Variants in PLCB2 observed in about 807,000 individuals in gnomAD.
PLCB2 encodes phospholipase C beta 2.
PLCB2 carries 115 observed loss-of-function variants against 141.7 expected under a neutral mutation model. The ratio of observed to expected loss-of-function variants is 0.81; its 90% CI spans 0.70 to 0.95. PLCB2 has a LOEUF of 0.95. PLCB2 is among the 40% of genes least tolerant of loss of function. The pLI is 0.00. For missense variants in PLCB2, 1,403 were observed against 1,541.1 expected, an observed-to-expected ratio of 0.91 and a Z score of 1.50; for synonymous variants, 603 against 595.6, an observed-to-expected ratio of 1.01 and a Z score of -0.18.
chr15:40,291,168 C>A lies in PLCB2; in HGVS notation c.2886G>T (p.Glu962Asp). 6.4e-7 allele frequency: 1 copy of A among 1,571,130 alleles called. No individual in the cohort carries two copies. Among genetic ancestry groups the A allele is most frequent in the East Asian group, 2.3e-5 (1 of 43,356 alleles). Residue 962 changes from glutamate to aspartate, a missense_variant, in exon 27 of 32, where the codon GAG becomes GAT. Physicochemically the swap from Glu to Asp is conservative, Grantham distance 45. Transcript: ENST00000260402. The part of the protein sequence containing the change: ...GSRKKRSLPR[E>D]ESAGAAPGEG... Reference sequence around the variant, plus strand: ...CGCCCGGCGCGGCTCCGGCGCTCTCCTCGCGGGGCAGGCTCCTGGGGAGGC... The same window carrying A: ...CGCCCGGCGCGGCTCCGGCGCTCTCATCGCGGGGCAGGCTCCTGGGGAGGC...
chr15:40,299,826 A>T (rs2040419513), intron 7 of PLCB2, among the ~76,000 whole-genome samples: 1 of 152,248 alleles, frequency 6.6e-6, no homozygotes, highest in African/African-American at 2.4e-5. Flanking sequence ...GATATCCGAT[A>T]AGAGATAAGT....
At chr15:40,290,899 G>T (rs1156767404) in intron 27 of PLCB2, 62 bp from the exon 28 acceptor site, 13 of 1,369,334 alleles carry the variant, frequency 9.5e-6, no homozygotes, top group African/African-American at 2.9e-5. Context: ...AGTACGGGGG[G>T]CGGGGGTCGG....
rs749443788 is a variant in PLCB2, at chr15:40,296,373, A to G, written c.1619T>C (p.Val540Ala). 1 of 1,613,784 alleles carries G rather than the reference A, an allele frequency of 6.2e-7. No individual in the cohort carries two copies. Among genetic ancestry groups the G allele is most frequent in the Admixed American group, 1.7e-5 (1 of 59,988 alleles). The change falls in exon 16 of 32, where the codon GTG (valine) becomes GCG (alanine). Residue 540 changes from valine (V) to alanine (A), a missense_variant. Around this residue, in one of 4 missense-constraint regions of PLCB2, gnomAD observed 975 missense variants for 1,141.1 expected, o/e 0.85. Transcript: ENST00000260402. ...GCTGGACATCTCCTCATAAGCCGTC[A>G]CTTCCAGGCCCGCTGTGCCCTAAGG... ...QSDEGTAGLE[V>A]TAYEEMSSLV...
Position 40,302,322 on chromosome 15 carries a change from C to T in PLCB2, c.400G>A (p.Val134Ile), listed in dbSNP as rs1233454134. The T allele has an allele frequency of 1.2e-6, 2 of 1,614,156 alleles. No individual in the cohort carries two copies. The highest frequency in any genetic ancestry group is 1.1e-5 in the South Asian group (1 of 91,078). ...KAWAEDVLALVKHPLTANASR... is the reference protein window; with the variant it reads ...KAWAEDVLALIKHPLTANASR... ...GCGTTGGCCGTCAGCGGATGTTTGA[C>T]TAGGGCCAGTACGTCCTCAGCCCAG... The change falls in exon 5 of 32, where the codon GTC becomes ATC. Residue 134 changes from valine (V) to isoleucine (I), a missense_variant. By Grantham distance (29) the Val-to-Ile change is conservative. Coordinates refer to ENST00000260402, the MANE Select transcript of PLCB2 (RefSeq NM_004573.3).
In PLCB2 at chr15:40,291,293, C is replaced by A; in HGVS notation, c.2842G>T (p.Gly948Cys). The A allele has an allele frequency of 6.4e-7, 1 of 1,560,510 alleles. No individual in the cohort carries two copies. The highest frequency in any genetic ancestry group is 8.6e-7 in the Non-Finnish European group (1 of 1,162,004). The change falls in exon 26 of 32, where the codon GGT becomes TGT. Residue 948 changes from glycine to cysteine, a missense_variant. Gly to Cys is a radical substitution (Grantham distance 159, BLOSUM62 -3). This residue lies in a region of PLCB2 where 290 missense variants were observed against 245.9 expected (regional missense o/e 1.18). Coordinates refer to ENST00000260402, the MANE Select transcript of PLCB2 (RefSeq NM_004573.3). ...GVGGVGACKL[G>C]PGKGSRKKRS... ...TTCTTGCGAGAGCCCTTGCCGGGAC[C>A]GAGCTTGCAGGCCCCGACGCCCCCC...
In PLCB2 at chr15:40,307,597, A is replaced by T; in HGVS notation, c.76T>A (p.Trp26Arg). ...GCCCCTGCCCCACTTACATCATCCCATTTGATGAAGCGCTCCCCTTGGCTC... is the reference window on the plus strand; with the variant it reads ...GCCCCTGCCCCACTTACATCATCCCTTTTGATGAAGCGCTCCCCTTGGCTC... ...YLSQGERFIK[W>R]DDETTVASPV... The change falls in exon 1 of 32, where the codon TGG becomes AGG. Residue 26 changes from tryptophan (W) to arginine (R), a missense_variant. Physicochemically the swap from Trp to Arg is moderately radical, Grantham distance 101. Transcript: ENST00000260402. 6.3e-7 allele frequency: 1 copy of T among 1,585,014 alleles called. No individual in the cohort carries two copies. Among genetic ancestry groups the T allele is most frequent in the South Asian group, 1.1e-5 (1 of 87,064 alleles).
At chr15:40,299,733 A>T (rs1203777147) in intron 7 of PLCB2, among the ~76,000 whole-genome samples, 2 of 152,240 alleles carry the variant, frequency 1.3e-5, no homozygotes, top group Non-Finnish European at 2.9e-5. Context: ...CGTCATCAAA[A>T]TTAAAAACTT....
chr15:40,301,907 T>C, intron 7 of PLCB2, 50 bp downstream of exon 7: 3 of 1,553,028 alleles, frequency 1.9e-6, no homozygotes, highest in Admixed American at 3.4e-5. Flanking sequence ...AGTTGCTTTC[T>C]GGTGGGGACA....
chr15:40,296,711 C>T, intron 14 of PLCB2, 35 bp downstream of exon 14: 2 of 1,610,252 alleles, frequency 1.2e-6, no homozygotes, highest in Non-Finnish European at 1.7e-6. Flanking sequence ...TCCAGATGCT[C>T]CTAATACCCC....
rs367668983 is a variant in PLCB2 at position 40,296,509 on chromosome 15, T to C, written c.1599+13A>G. On this transcript the variant is annotated intron_variant, in intron 15 of 31. Coordinates refer to ENST00000260402, the MANE Select transcript of PLCB2 (RefSeq NM_004573.3). Reference sequence around the variant, plus strand: ...AGGATGACACAGAGGGGCCTGGGGCTACCCCCACACACCTCATCCGACTGC... The same window carrying C: ...AGGATGACACAGAGGGGCCTGGGGCCACCCCCACACACCTCATCCGACTGC... 45 of 1,613,786 alleles carry C rather than the reference T, an allele frequency of 2.8e-5. No homozygotes were observed. Among genetic ancestry groups the C allele is most frequent in the Non-Finnish European group, 3.7e-5 (44 of 1,179,900 alleles).
rs765225712 is a variant in PLCB2, at chr15:40,297,877, G to A, written c.1238C>T (p.Ser413Leu). The change falls in exon 12 of 32, where the codon TCA becomes TTA. Residue 413 changes from serine to leucine, a missense_variant and splice_region_variant. Physicochemically the swap from Ser to Leu is moderately radical, Grantham distance 145. This residue lies in a region of PLCB2 where 975 missense variants were observed against 1,141.1 expected (regional missense o/e 0.85). Transcript: ENST00000260402. This position sits in a 1 kb window ranked among gnomAD's most constrained non-coding sequence, Gnocchi z 4.2. ...TGGCTGAATGGGCCTGGATACGCAC[G>A]AGTCCACATGGTTCTCAAACGACAG... ...IILSFENHVDSPRQQAKMAEY... is the reference protein window; with the variant it reads ...IILSFENHVDLPRQQAKMAEY... 22 of 1,611,460 alleles carry A rather than the reference G, an allele frequency of 1.4e-5. No homozygotes were observed. The highest frequency in any genetic ancestry group is 1.6e-4 in the Middle Eastern group (1 of 6,070).
chr15:40,297,379 G>A lies in PLCB2; in HGVS notation c.1323+142C>T. The A allele has an allele frequency of 2.8e-6, 2 of 708,898 alleles. No homozygotes were observed. The highest frequency in any genetic ancestry group is 3.0e-5 in the South Asian group (2 of 65,900). 43.9% of individuals were successfully genotyped at this position (708,898 alleles called of 1,614,324 possible). A position where few individuals can be genotyped will look rare whatever the true frequency, so the allele number is the denominator to read the frequency against. ...AGCCCAGCCCAGTGCCTGACACACG[G>A]AAGGTGACAGGATCCCAGACCCGCA... is the stretch of plus-strand genomic sequence containing the variant. On this transcript the variant is annotated intron_variant, in intron 13 of 31. Transcript: ENST00000260402. The surrounding 1 kb of genome is among the most constrained non-coding windows in gnomAD (Gnocchi z 4.2).
At position 40,307,899 on chromosome 15, in the gene PLCB2, G is replaced by A. The variant is rs531502116; in HGVS notation, c.-227C>T. On this transcript the variant is annotated 5_prime_UTR_variant, in exon 1 of 32. Coordinates refer to ENST00000260402, the MANE Select transcript of PLCB2 (RefSeq NM_004573.3). Reference sequence around the variant, plus strand: ...CTTGTAAATCACCCTCCTCCCACCCGCCCTGCCTGCCATGGGGGCCTGTGG... The same window carrying A: ...CTTGTAAATCACCCTCCTCCCACCCACCCTGCCTGCCATGGGGGCCTGTGG... The A allele has an allele frequency of 6.8e-5, 24 of 355,352 alleles. No individual in the cohort carries two copies. The highest frequency in any genetic ancestry group is 9.2e-5 in the Non-Finnish European group (19 of 205,572). 22.0% of individuals were successfully genotyped at this position (355,352 alleles called of 1,614,324 possible).
chr15:40,304,283 C>T (rs971735314), intron 1 of PLCB2, among the ~76,000 whole-genome samples: 2 of 152,200 alleles, frequency 1.3e-5, no homozygotes, highest in Non-Finnish European at 2.9e-5. Context: ...GTTTTCCCCT[C>T]TAAAGCCCAA....
chr15:40,289,148 C>T, intron 31 of PLCB2, 124 bp downstream of exon 31: 1 of 1,020,936 alleles, frequency 9.8e-7, no homozygotes, highest in Non-Finnish European at 1.5e-6. Context: ...GGCCTCGGGA[C>T]CCCACAGTGA....
At position 40,294,130 on chromosome 15, in the gene PLCB2, T is replaced by TA. The variant is rs2040075443; in HGVS notation, c.2061+135dup. ...GGAGGCAGTTTCCAAGGCAACTTGC[T>TA]ACTGCAGGAACTGGCTGGGGCTGAA... On this transcript the variant is annotated intron_variant, in intron 19 of 31. Coordinates refer to ENST00000260402, the MANE Select transcript of PLCB2 (RefSeq NM_004573.3). The TA allele has an allele frequency of 3.6e-6, 3 of 835,694 alleles. No individual in the cohort carries two copies. In the South Asian group the frequency reaches 4.9e-5, roughly 14 times the overall value. The allele number at this position is 835,694 out of a possible 1,614,324, so 51.8% of individuals were successfully genotyped here.
chr15:40,302,703 G>A, intron 3 of PLCB2, 94 bp from the exon 4 acceptor site: 11 of 1,379,514 alleles, frequency 8.0e-6, no homozygotes, highest in Non-Finnish European at 1.0e-5. Context: ...CTTGGGCTAT[G>A]GCCCACTGGG....
At chr15:40,294,161 C>T in intron 19 of PLCB2, 105 bp downstream of exon 19, 1 of 1,167,998 alleles carries the variant, frequency 8.6e-7, no homozygotes, top group Non-Finnish European at 1.2e-6. Context: ...CTGAAGTTTC[C>T]AGGATATCAG....
intron 14 of PLCB2, 26 bp downstream of exon 14, chr15:40,296,720 C>T (rs1393516520): frequency 6.2e-7 from 1 of 1,610,306 alleles, no homozygotes; most frequent in African/African-American, 1.3e-5. Flanking sequence ...TCCTAATACC[C>T]CCCACCATAG....
Sources: gnomAD v4.1 joint callset for allele counts (sites outside exome capture counted in the v4.1 genomes callset) on GRCh38, gnomAD v4.1.1 for gene constraint, gnomAD v4.1.1 regional missense constraint, Gnocchi (gnomAD v3.1) non-coding constraint, MANE v1.5 for transcripts, NCBI Gene and HGNC (gene_info 2026-07-23, HGNC 2026-07-21) for gene names.